ZFYVE9: variants seen among roughly 807,000 people sequenced by gnomAD.
The protein encoded by ZFYVE9 is zinc finger FYVE-type containing 9.
A neutral mutation model predicts 126.7 loss-of-function variants in ZFYVE9; 43 were observed. The ratio of observed to expected loss-of-function variants is 0.34; its 90% confidence interval spans 0.27 to 0.44. ZFYVE9 has a LOEUF of 0.44. Among genes scored for constraint, ZFYVE9 ranks in the 20% least tolerant of loss-of-function variants. The pLI, the probability that ZFYVE9 is intolerant of heterozygous loss-of-function variation, is 1.00. For missense variants in ZFYVE9, 1,476 were observed against 1,697.0 expected (o/e 0.87, Z 2.29); for synonymous variants, 521 against 597.4 (o/e 0.87, Z 1.87).
chr1:52,346,338 G>C lies in ZFYVE9; in HGVS notation c.*117G>C. On this transcript the variant is annotated 3_prime_UTR_variant, in exon 19 of 19. Coordinates refer to ENST00000287727, the MANE Select transcript of ZFYVE9 (RefSeq NM_004799.4). ...TTGTTAACACTATTAATGGGGTGGG[G>C]AATAGGGTGGGAGTGGGGGTTTGGG... The C allele has an allele frequency of 2.0e-5, 6 of 302,806 alleles. No homozygotes were observed. The highest frequency in any genetic ancestry group is 3.2e-5 in the Non-Finnish European group (5 of 154,996). 18.8% of individuals were successfully genotyped at this position (302,806 alleles called of 1,614,324 possible). A position where few individuals can be genotyped will look rare whatever the true frequency, so the allele number is the denominator to read the frequency against.
intron 2 of ZFYVE9, among the ~76,000 whole-genome samples, chr1:52,227,353 C>CTGGGA: frequency 1.6e-5 from 1 of 62,618 alleles, no homozygotes; most frequent in Non-Finnish European, 2.9e-5. Flanking sequence ...AAAATCTCAT[C>CTGGGA]CTTCAGGCGT....
At chr1:52,186,816 G>C (rs1572085277) in intron 1 of ZFYVE9, among the ~76,000 whole-genome samples, 2 of 152,128 alleles carry the variant, frequency 1.3e-5, no homozygotes, top group East Asian at 3.8e-4. Context: ...AAAGAAATCA[G>C]AGATGACACA....
chr1:52,334,856 A>C, intron 15 of ZFYVE9, 88 bp downstream of exon 15: 1 of 1,318,704 alleles, frequency 7.6e-7, no homozygotes. Flanking sequence ...TAGATGTCTG[A>C]CTCCTACTGT....
intron 4 of ZFYVE9, among the ~76,000 whole-genome samples, chr1:52,239,977 A>G (rs993970971): frequency 6.6e-6 from 1 of 152,232 alleles, no homozygotes; most frequent in South Asian, 2.1e-4. Flanking sequence ...ATGCATTTAA[A>G]TACAAAAAAT....
At chr1:52,332,657 A>G in intron 13 of ZFYVE9, 111 bp from the exon 14 acceptor site, 1 of 1,294,722 alleles carries the variant, frequency 7.7e-7, no homozygotes, top group Non-Finnish European at 1.0e-6. Flanking sequence ...CCTTTTTGTC[A>G]CTTTAATACG....
intron 1 of ZFYVE9, among the ~76,000 whole-genome samples, chr1:52,155,539 A>G (rs984579026): frequency 2.0e-5 from 3 of 152,002 alleles, no homozygotes; most frequent in African/African-American, 7.2e-5. Context: ...CGGCCACAGG[A>G]GCTGTTTTTC....
Position 52,333,791 on chromosome 1 carries a change from T to TA in ZFYVE9, c.3590-879dup, listed in dbSNP as rs547487941. Reference sequence around the variant, plus strand: ...GGCAACATAGCAAGACCCTGTCTCTTAAAAAAAAAAAAAAAAAAGCAGGGC... The same window carrying TA: ...GGCAACATAGCAAGACCCTGTCTCTTAAAAAAAAAAAAAAAAAAAGCAGGGC... On this transcript the variant is annotated intron_variant, in intron 14 of 18. Transcript: ENST00000287727. Among the ~76,000 whole-genome samples, 818 of 122,986 alleles carry TA rather than the reference T, an allele frequency of 6.7e-3. 5 individuals are homozygous for TA. Among genetic ancestry groups the TA allele is most frequent in the African/African-American group, 0.017 (547 of 32,938 alleles). The allele number at this position is 122,986 out of a possible 152,430, so 80.7% of individuals were successfully genotyped here.
chr1:52,284,630 A>G (rs1645839973), intron 10 of ZFYVE9, among the ~76,000 whole-genome samples: 1 of 152,244 alleles, frequency 6.6e-6, no homozygotes, highest in East Asian at 1.9e-4. Flanking sequence ...CGTGTTAGCC[A>G]GGCTGATCTT....
chr1:52,212,615 GGAAC>G (rs1399420273), intron 1 of ZFYVE9, among the ~76,000 whole-genome samples: 1 of 152,156 alleles, frequency 6.6e-6, no homozygotes, highest in Non-Finnish European at 1.5e-5. Flanking sequence ...GATGAAATTA[GGAAC>G]TTCTTTGGAA....
At chr1:52,273,787 C>G (rs1251606598) in intron 7 of ZFYVE9, among the ~76,000 whole-genome samples, 1 of 147,336 alleles carries the variant, frequency 6.8e-6, no homozygotes, top group Non-Finnish European at 1.5e-5. Flanking sequence ...CCATTGCACT[C>G]CAGCCTGGGC....
intron 1 of ZFYVE9, among the ~76,000 whole-genome samples, chr1:52,146,991 A>G (rs1644311762): frequency 6.6e-6 from 1 of 152,206 alleles, no homozygotes; most frequent in Non-Finnish European, 1.5e-5. Flanking sequence ...GAAAAATTCC[A>G]CGCCTGATCT....
intron 1 of ZFYVE9, among the ~76,000 whole-genome samples, chr1:52,199,314 C>T (rs573622972): frequency 3.9e-5 from 6 of 152,228 alleles, no homozygotes; most frequent in South Asian, 2.1e-4. Context: ...CCACCCGCCT[C>T]GGCTTCCCGA....
chr1:52,198,907 T>C, intron 1 of ZFYVE9, among the ~76,000 whole-genome samples: 1 of 152,200 alleles, frequency 6.6e-6, no homozygotes, highest in East Asian at 1.9e-4. Flanking sequence ...AGATTATTAT[T>C]TACATTGGGG....
At chr1:52,227,225 C>A (rs1219449676) in intron 2 of ZFYVE9, among the ~76,000 whole-genome samples, 1 of 152,240 alleles carries the variant, frequency 6.6e-6, no homozygotes, top group Non-Finnish European at 1.5e-5. Context: ...AGGTACTTGG[C>A]AGCAATGCCT....
At chr1:52,259,118 C>T (rs1454853207) in intron 4 of ZFYVE9, among the ~76,000 whole-genome samples, 2 of 152,090 alleles carry the variant, frequency 1.3e-5, no homozygotes, top group Admixed American at 6.5e-5. Flanking sequence ...GGGGGCTGTA[C>T]GGAAAAGATC....
At chr1:52,146,658 G>A (rs917439220) in intron 1 of ZFYVE9, among the ~76,000 whole-genome samples, 1 of 152,056 alleles carries the variant, frequency 6.6e-6, no homozygotes, top group African/African-American at 2.4e-5. Flanking sequence ...TCTGGAATTG[G>A]AAAATATATT....
At chr1:52,205,592 C>G (rs776671445) in intron 1 of ZFYVE9, among the ~76,000 whole-genome samples, 10 of 151,242 alleles carry the variant, frequency 6.6e-5, no homozygotes, top group South Asian at 2.1e-4. Flanking sequence ...AGACTAGCCT[C>G]AAACTCCTGG....
intron 4 of ZFYVE9, among the ~76,000 whole-genome samples, chr1:52,247,798 T>C (rs948030463): frequency 6.6e-5 from 10 of 152,184 alleles, no homozygotes; most frequent in Middle Eastern, 3.4e-3. Flanking sequence ...TGCCTGGCCA[T>C]TTTTATCATC....
intron 2 of ZFYVE9, among the ~76,000 whole-genome samples, chr1:52,231,190 T>C (rs1008973936): frequency 4.6e-5 from 7 of 152,166 alleles, no homozygotes; most frequent in Non-Finnish European, 1.0e-4. Flanking sequence ...GACCTATAAA[T>C]AATTAGACAA....
Sources: allele counts gnomAD v4.1 joint callset (sites outside exome capture counted in the v4.1 genomes callset), GRCh38; gene constraint gnomAD v4.1.1; transcripts MANE v1.5; gene names NCBI Gene and HGNC (gene_info 2026-07-23, HGNC 2026-07-21).